BARHL1: variants seen among roughly 807,000 people sequenced by gnomAD.
BARHL1 encodes BarH like homeobox 1, also known as barH-like 1 homeobox protein.
A neutral mutation model predicts 20.1 loss-of-function variants in BARHL1; 2 were observed. That is an observed-to-expected ratio of 0.10 (90% CI 0.04 to 0.31). BARHL1 has a LOEUF of 0.31. BARHL1 is among the 10% of genes least tolerant of loss of function. The pLI is 1.00. For synonymous variants in BARHL1, 213 were observed against 209.9 expected (o/e 1.01, Z -0.13); for missense variants, 397 against 454.0 (o/e 0.87, Z 1.14).
In BARHL1 at chr9:132,587,561, G is replaced by C. The variant is rs764601291; in HGVS notation, c.689+10G>C. 9.4e-6 allele frequency: 15 copies of C among 1,601,240 alleles called. No homozygotes were observed. The highest frequency in any genetic ancestry group is 1.3e-5 in the Non-Finnish European group (15 of 1,173,428). ...GGTACCAGAACCGCAGGTGAGGCCT[G>C]GCTGCGGGGGTAGAGGCAGAAAGGG... On this transcript the variant is annotated intron_variant, in intron 2 of 2. Transcript: ENST00000263610. This position sits in a 1 kb window ranked among gnomAD's most constrained non-coding sequence, Gnocchi z 5.5.
At chr9:132,585,765 G>A (rs4962195) in intron 1 of BARHL1, among the ~76,000 whole-genome samples, 44,230 of 152,114 alleles carry the variant, frequency 0.29, 7,430 homozygotes, top group South Asian at 0.55. Flanking sequence ...AAAAGCCCCA[G>A]TAGCTGACCC....
rs781200412 is a variant in BARHL1, at chr9:132,589,408, C to G, written c.870C>G (p.Leu290=). The change falls in exon 3 of 3, where the codon CTC becomes CTG. Residue 290 remains leucine (L), a synonymous_variant. Transcript: ENST00000263610. ...GCCCCAGCGCGCCGCCGCCTGCTCT[C>G]CAGAGACCTCTGGTGCCCCGCATCC... ...YRGPSAPPPA[L]QRPLVPRILI... 1 of 1,612,036 alleles carries G rather than the reference C, an allele frequency of 6.2e-7. No individual in the cohort carries two copies. The highest frequency in any genetic ancestry group is 8.5e-7 in the Non-Finnish European group (1 of 1,179,582).
rs1056326137 is a variant in BARHL1 at position 132,589,751 on chromosome 9, G to C, written c.*229G>C. 9.6e-5 allele frequency: 48 copies of C among 497,578 alleles called. No homozygotes were observed. The highest frequency in any genetic ancestry group is 1.4e-4 in the Non-Finnish European group (47 of 331,096). 30.8% of individuals were successfully genotyped at this position (497,578 alleles called of 1,614,324 possible). A position where few individuals can be genotyped will look rare whatever the true frequency, so the allele number is the denominator to read the frequency against. On this transcript the variant is annotated 3_prime_UTR_variant, in exon 3 of 3. Coordinates refer to ENST00000263610, the MANE Select transcript of BARHL1 (RefSeq NM_020064.4). ...CGGCGTCCTCTCTCGCGGCCGCTCTGTCCGGGAGCCATCCCCACCCGCCGG... is the reference window on the plus strand; with the variant it reads ...CGGCGTCCTCTCTCGCGGCCGCTCTCTCCGGGAGCCATCCCCACCCGCCGG...
rs1830086908 is a variant in BARHL1, at chr9:132,582,700, C to T, written c.-98C>T. On this transcript the variant is annotated 5_prime_UTR_variant, in exon 1 of 3. Transcript: ENST00000263610. ...AAGGTGCCCGCAGGCTCCCTGCCCG[C>T]CTTCCCCATGCCAGCCCGCAGCTAG... is the stretch of plus-strand genomic sequence containing the variant. The T allele has an allele frequency of 8.4e-7, 1 of 1,185,324 alleles. No homozygotes were observed. Among genetic ancestry groups the T allele is most frequent in the Non-Finnish European group, 1.2e-6 (1 of 850,818 alleles). 73.4% of individuals were successfully genotyped at this position (1,185,324 alleles called of 1,614,324 possible). A position where few individuals can be genotyped will look rare whatever the true frequency, so the allele number is the denominator to read the frequency against.
chr9:132,586,831 C>G (rs1304755822), intron 1 of BARHL1, among the ~76,000 whole-genome samples: 1 of 152,264 alleles, frequency 6.6e-6, no homozygotes, highest in African/African-American at 2.4e-5. Context: ...CCGGAGAGAG[C>G]AGGTTTTTGT....
At chr9:132,583,433 T>A (rs1830097231) in intron 1 of BARHL1, among the ~76,000 whole-genome samples, 170 bp downstream of exon 1, 1 of 152,236 alleles carries the variant, frequency 6.6e-6, no homozygotes, top group Non-Finnish European at 1.5e-5. Flanking sequence ...TGGTTATGCC[T>A]TTGAGCAACA....
At chr9:132,585,883 T>TA (rs1201706130) in intron 1 of BARHL1, among the ~76,000 whole-genome samples, 1 of 152,254 alleles carries the variant, frequency 6.6e-6, no homozygotes, top group Non-Finnish European at 1.5e-5. Flanking sequence ...GGTCAAAAAG[T>TA]AAGAGTTCTA....
At position 132,589,272 on chromosome 9, in the gene BARHL1, C is replaced by A. The variant is rs1419824714; in HGVS notation, c.734C>A (p.Ala245Glu). ...ACGGCCGTCGGGTTGGAGCTGCTGG[C>A]GGAGGCAGGCAATTACTCAGCGCTC... The part of the protein sequence containing the change: ...RQTAVGLELL[A>E]EAGNYSALQR... The change falls in exon 3 of 3, where the codon GCG becomes GAG. Residue 245 changes from alanine (A) to glutamate (E), a missense_variant. Physicochemically the swap from Ala to Glu is moderately radical, Grantham distance 107. Transcript: ENST00000263610. The A allele has an allele frequency of 6.2e-7, 1 of 1,612,806 alleles. No individual in the cohort carries two copies. The highest frequency in any genetic ancestry group is 1.7e-5 in the Admixed American group (1 of 59,900).
rs773508741 is a variant in BARHL1 at position 132,582,885 on chromosome 9, G to C, written c.88G>C (p.Gly30Arg). Residue 30 changes from glycine (G) to arginine (R), a missense_variant, in exon 1 of 3, where the codon GGG becomes CGG. Coordinates refer to ENST00000263610, the MANE Select transcript of BARHL1 (RefSeq NM_020064.4). ...CCTTCCCAAGGGGGACCCCTTGCTC[G>C]GGGACTGCCGTTCGCCCCTGGAGCT... is the stretch of plus-strand genomic sequence containing the variant. Reference protein sequence around the residue: ...PALPKGDPLLGDCRSPLELSP... With the variant: ...PALPKGDPLLRDCRSPLELSP... 1.9e-6 allele frequency: 3 copies of C among 1,613,032 alleles called. No homozygotes were observed. Among genetic ancestry groups the C allele is most frequent in the Non-Finnish European group, 2.5e-6 (3 of 1,179,900 alleles).
At chr9:132,586,345 G>C (rs1830144507) in intron 1 of BARHL1, among the ~76,000 whole-genome samples, 1 of 152,252 alleles carries the variant, frequency 6.6e-6, no homozygotes, top group Non-Finnish European at 1.5e-5. Context: ...GCCAATTTTG[G>C]GGAAGTGGTC....
rs997583167 is a variant in BARHL1 at position 132,589,740 on chromosome 9, G to C, written c.*218G>C. 1.1e-4 allele frequency: 61 copies of C among 566,664 alleles called. No individual in the cohort carries two copies. Among genetic ancestry groups the C allele is most frequent in the South Asian group, 5.2e-4 (6 of 11,456 alleles). 35.1% of individuals were successfully genotyped at this position (566,664 alleles called of 1,614,324 possible). ...CCAGCCCCCCTCGGCGTCCTCTCTC[G>C]CGGCCGCTCTGTCCGGGAGCCATCC... On this transcript the variant is annotated 3_prime_UTR_variant, in exon 3 of 3. Coordinates refer to ENST00000263610, the MANE Select transcript of BARHL1 (RefSeq NM_020064.4).
chr9:132,588,473 CAG>C (rs1830169148), intron 2 of BARHL1, among the ~76,000 whole-genome samples: 1 of 152,146 alleles, frequency 6.6e-6, no homozygotes, highest in Non-Finnish European at 1.5e-5. Flanking sequence ...GGGAGGGAAA[CAG>C]GGCTGGTGTG....
chr9:132,585,074 G>T (rs1250092774), intron 1 of BARHL1, among the ~76,000 whole-genome samples: 3 of 152,150 alleles, frequency 2.0e-5, no homozygotes, highest in South Asian at 2.1e-4. Context: ...GACAGGTTTC[G>T]TTTAAGATAA....
At chr9:132,584,434 A>C (rs1430070490) in intron 1 of BARHL1, among the ~76,000 whole-genome samples, 1 of 151,988 alleles carries the variant, frequency 6.6e-6, no homozygotes, top group Non-Finnish European at 1.5e-5. Context: ...AAGAGACAAA[A>C]TTTCCCTGTA....
chr9:132,586,235 C>A (rs1436890158), intron 1 of BARHL1, among the ~76,000 whole-genome samples: 1 of 152,218 alleles, frequency 6.6e-6, no homozygotes, highest in East Asian at 1.9e-4. Context: ...TTGCATTCAG[C>A]TGAACCCCGT....
At chr9:132,588,403 G>C (rs1830167596) in intron 2 of BARHL1, among the ~76,000 whole-genome samples, 1 of 152,188 alleles carries the variant, frequency 6.6e-6, no homozygotes, top group Admixed American at 6.5e-5. Context: ...ACTGCTCCGG[G>C]CATCAATAAT....
At chr9:132,584,161 GGA>G (rs1830104850) in intron 1 of BARHL1, among the ~76,000 whole-genome samples, 2 of 149,650 alleles carry the variant, frequency 1.3e-5, no homozygotes, top group Non-Finnish European at 2.9e-5. Context: ...AAGGAAGGAA[GGA>G]AGGAAGGGAA....
chr9:132,589,210 G>T lies in BARHL1; in HGVS notation c.690-18G>T. ...CCCTAGCCCTGATCCCGCCATACGC[G>T]TTTATTTCGGCCCCCAGGACTAAAT... On this transcript the variant is annotated intron_variant, in intron 2 of 2. Coordinates refer to ENST00000263610, the MANE Select transcript of BARHL1 (RefSeq NM_020064.4). 1 of 1,601,142 alleles carries T rather than the reference G, an allele frequency of 6.2e-7. No individual in the cohort carries two copies. Among genetic ancestry groups the T allele is most frequent in the Non-Finnish European group, 8.5e-7 (1 of 1,174,068 alleles).
At chr9:132,583,393 G>A (rs1830096722) in intron 1 of BARHL1, 130 bp downstream of exon 1, 3 of 771,268 alleles carry the variant, frequency 3.9e-6, no homozygotes, top group Admixed American at 2.9e-5. Flanking sequence ...TTGAGCAGTG[G>A]TTCTCCTCAG....
Sources: gnomAD v4.1 joint callset for allele counts (sites outside exome capture counted in the v4.1 genomes callset) on GRCh38, gnomAD v4.1.1 for gene constraint, Gnocchi (gnomAD v3.1) non-coding constraint, MANE v1.5 for transcripts, NCBI Gene and HGNC (gene_info 2026-07-23, HGNC 2026-07-21) for gene names.